GPC3: variants seen among roughly 807,000 people sequenced by gnomAD.
GPC3 encodes glypican-3.
A neutral mutation model predicts 34.4 loss-of-function variants in GPC3; 3 were observed. That is an observed-to-expected ratio of 0.09 (90% confidence interval 0.04 to 0.23). GPC3 has a LOEUF of 0.23. Ranked by LOEUF, GPC3 falls within the 10% of genes least tolerant of loss-of-function variation. GPC3 has a pLI of 1.00. For missense variants in GPC3, 351 were observed against 445.6 expected, an observed-to-expected ratio of 0.79 and a Z score of 1.91; for synonymous variants, 177 against 174.0, an observed-to-expected ratio of 1.02 and a Z score of -0.13.
At chrX:133,879,833 T>C (rs2076033912) in intron 2 of GPC3, among the ~76,000 whole-genome samples, 1 of 111,762 alleles carries the variant, frequency 8.9e-6, no homozygotes, top group Non-Finnish European at 1.9e-5. Context: ...GCAATTCTTA[T>C]TAAAACCCTT....
intron 7 of GPC3, among the ~76,000 whole-genome samples, chrX:133,589,686 G>C (rs1006998435): frequency 1.8e-5 from 2 of 111,449 alleles, no homozygotes; most frequent in African/African-American, 6.5e-5. Flanking sequence ...ATGGTTGTGA[G>C]TCCTCCCCAG....
intron 7 of GPC3, among the ~76,000 whole-genome samples, chrX:133,537,555 A>G (rs2069305354): frequency 8.9e-6 from 1 of 112,025 alleles, no homozygotes; most frequent in Non-Finnish European, 1.9e-5. Context: ...TAGGGCAGGC[A>G]GCAAGGTCAA....
intron 7 of GPC3, among the ~76,000 whole-genome samples, chrX:133,573,355 A>G (rs893141384): frequency 8.9e-6 from 1 of 111,980 alleles, no homozygotes; most frequent in African/African-American, 3.2e-5. Flanking sequence ...GAGCAAGACA[A>G]AGATATCAGT....
intron 6 of GPC3, 95 bp downstream of exon 6, chrX:133,661,625 TCTCTCTCTCC>T (rs2070724867): frequency 2.8e-4 from 5 of 17,927 alleles, no homozygotes; most frequent in African/African-American, 2.3e-3. Context: ...TCTCTCTCTC[TCTCTCTCTCC>T]CCCCCCCCTC....
At chrX:133,965,674 T>C (rs2076460278) in intron 1 of GPC3, among the ~76,000 whole-genome samples, 1 of 112,040 alleles carries the variant, frequency 8.9e-6, no homozygotes, top group African/African-American at 3.2e-5. Flanking sequence ...TAATTTGATA[T>C]GGCAGCCCTA....
chrX:133,616,798 C>T (rs145376183), intron 6 of GPC3, among the ~76,000 whole-genome samples: 1,446 of 106,981 alleles, frequency 0.014, 39 homozygotes, highest in African/African-American at 0.047. Context: ...CCCAGGTTCA[C>T]GCCATTCTCC....
intron 3 of GPC3, among the ~76,000 whole-genome samples, chrX:133,710,915 CATT>C (rs2124446513): frequency 8.9e-6 from 1 of 112,305 alleles, no homozygotes; most frequent in Admixed American, 9.4e-5. Flanking sequence ...GAGTTCATGA[CATT>C]ATTATTTAAC....
intron 2 of GPC3, among the ~76,000 whole-genome samples, chrX:133,818,382 G>C (rs111673207): frequency 8.1e-5 from 9 of 111,672 alleles, no homozygotes; most frequent in African/African-American, 2.9e-4. Context: ...CATCCAAAAA[G>C]ACTGCATGGC....
intron 6 of GPC3, among the ~76,000 whole-genome samples, chrX:133,637,409 T>G (rs1209024595): frequency 1.9e-5 from 2 of 107,054 alleles, no homozygotes; most frequent in African/African-American, 6.8e-5. Flanking sequence ...AGAGTGAGAC[T>G]CCATCTCAAA....
intron 1 of GPC3, among the ~76,000 whole-genome samples, chrX:133,953,563 T>C (rs2076403082): frequency 8.9e-6 from 1 of 111,884 alleles, no homozygotes; most frequent in East Asian, 2.8e-4. Context: ...ACTCCTATAA[T>C]TTATTTTTCC....
chrX:133,568,939 G>A (rs1450237595), intron 7 of GPC3, among the ~76,000 whole-genome samples: 1 of 111,603 alleles, frequency 9.0e-6, no homozygotes, highest in African/African-American at 3.3e-5. Context: ...GGTGGAGGCA[G>A]GTGGATTGCT....
chrX:133,554,050 T>G (rs2069462375), intron 7 of GPC3, among the ~76,000 whole-genome samples: 1 of 109,109 alleles, frequency 9.2e-6, no homozygotes, highest in Non-Finnish European at 1.9e-5. Flanking sequence ...AGTCTTACTG[T>G]GTCGCCAGGC....
chrX:133,917,551 T>A (rs1269340445), intron 2 of GPC3, among the ~76,000 whole-genome samples: 2 of 112,020 alleles, frequency 1.8e-5, no homozygotes, highest in African/African-American at 6.5e-5. Flanking sequence ...CAATGTTAAT[T>A]ATGTTCTTGT....
chrX:133,753,425 T>A (rs2071686682), intron 3 of GPC3, 57 bp downstream of exon 3: 1 of 934,708 alleles, frequency 1.1e-6, no homozygotes, highest in Non-Finnish European at 1.6e-6. Flanking sequence ...TACCTGCTAC[T>A]GGCCACCTCA....
chrX:133,857,151 C>T (rs1356636209), intron 2 of GPC3, among the ~76,000 whole-genome samples: 1 of 111,502 alleles, frequency 9.0e-6, no homozygotes, highest in Non-Finnish European at 1.9e-5. Flanking sequence ...CCCCTCTCCA[C>T]CACACAAGTA....
intron 4 of GPC3, among the ~76,000 whole-genome samples, chrX:133,694,262 G>A (rs1264208905): frequency 9.0e-6 from 1 of 110,590 alleles, no homozygotes; most frequent in African/African-American, 3.3e-5. Flanking sequence ...GCAAAGCCAA[G>A]GTGATGGACA....
intron 2 of GPC3, among the ~76,000 whole-genome samples, chrX:133,905,264 C>T (rs1204686926): frequency 8.9e-6 from 1 of 112,291 alleles, no homozygotes; most frequent in African/African-American, 3.2e-5. Flanking sequence ...AATTGTGCTG[C>T]CTCTGCCATA....
chrX:133,849,080 G>GTT, intron 2 of GPC3, among the ~76,000 whole-genome samples: 1 of 78,135 alleles, frequency 1.3e-5, no homozygotes, highest in Non-Finnish European at 2.5e-5. Context: ...GAAAACTAAA[G>GTT]TTTCTTTTTT....
At chrX:133,807,894 C>G (rs149169404) in intron 2 of GPC3, among the ~76,000 whole-genome samples, 202 of 112,259 alleles carry the variant, frequency 1.8e-3, no homozygotes, top group African/African-American at 6.5e-3. Context: ...CTAGACCTAC[C>G]AAATCAGAAA....
Sources: allele counts gnomAD v4.1 joint callset (sites outside exome capture counted in the v4.1 genomes callset), GRCh38; gene constraint gnomAD v4.1.1; transcripts MANE v1.5; gene names NCBI Gene and HGNC (gene_info 2026-07-23, HGNC 2026-07-21).